The following PDE4D variants were observed in gnomAD, a reference collection of about 807,000 sequenced individuals.
PDE4D encodes 3',5'-cyclic-AMP phosphodiesterase 4D.
In PDE4D, 24 loss-of-function variants were observed where a neutral mutation model predicts 87.4. That is an observed-to-expected ratio of 0.27 (90% CI 0.20 to 0.39). The LOEUF (loss-of-function observed/expected upper bound fraction) is 0.39. PDE4D is among the 10% of genes least tolerant of loss of function. The pLI is 1.00. For synonymous variants in PDE4D, 384 were observed against 383.2 expected, an observed-to-expected ratio of 1.00 and a Z score of -0.02; for missense variants, 714 against 1,041.0, an observed-to-expected ratio of 0.69 and a Z score of 4.32.
At chr5:60,271,804 C>T (rs1750841955) in intron 1 of PDE4D, among the ~76,000 whole-genome samples, 1 of 152,192 alleles carries the variant, frequency 6.6e-6, no homozygotes, top group Non-Finnish European at 1.5e-5. Context: ...AAGATACAAC[C>T]TCTGCTCCAA....
chr5:59,269,594 A>T (rs1763441449), intron 1 of PDE4D, among the ~76,000 whole-genome samples: 1 of 152,042 alleles, frequency 6.6e-6, no homozygotes, highest in Admixed American at 6.6e-5. Context: ...CTTAACAGTC[A>T]TTAGCTTAGT....
intron 2 of PDE4D, among the ~76,000 whole-genome samples, chr5:59,207,524 G>A (rs1749061951): frequency 6.6e-6 from 1 of 151,946 alleles, no homozygotes; most frequent in Admixed American, 6.6e-5. Context: ...CCTTATTTTA[G>A]TTTATTTCAC....
intron 1 of PDE4D, among the ~76,000 whole-genome samples, chr5:59,852,197 C>T (rs148443434): frequency 5.9e-5 from 9 of 152,060 alleles, no homozygotes; most frequent in African/African-American, 2.2e-4. Context: ...TCACTGGTAG[C>T]CAGCCTCCAA....
intron 1 of PDE4D, among the ~76,000 whole-genome samples, chr5:59,470,678 T>G (rs1181136883): frequency 6.6e-6 from 1 of 152,214 alleles, no homozygotes; most frequent in African/African-American, 2.4e-5. Context: ...ACTTTGTTTT[T>G]CAGGAAATAT....
At chr5:59,681,816 T>C (rs1489670292) in intron 1 of PDE4D, among the ~76,000 whole-genome samples, 1 of 143,300 alleles carries the variant, frequency 7.0e-6, no homozygotes, top group African/African-American at 2.6e-5. Context: ...GGCAGGAGAA[T>C]GGCGAACCCG....
chr5:60,265,441 T>C (rs1201125759), intron 1 of PDE4D, among the ~76,000 whole-genome samples: 2 of 152,152 alleles, frequency 1.3e-5, no homozygotes, highest in African/African-American at 4.8e-5. Flanking sequence ...AGGAAAGTCA[T>C]TTGGCTAGGA....
intron 1 of PDE4D, among the ~76,000 whole-genome samples, chr5:59,272,990 G>T (rs1265474326): frequency 6.6e-6 from 1 of 152,178 alleles, no homozygotes; most frequent in African/African-American, 2.4e-5. Flanking sequence ...GAGGACAGTA[G>T]ACAGATTTGG....
chr5:59,854,314 T>C (rs960105380), intron 1 of PDE4D, among the ~76,000 whole-genome samples: 2 of 152,070 alleles, frequency 1.3e-5, no homozygotes, highest in Non-Finnish European at 2.9e-5. Flanking sequence ...TAATGTCTTA[T>C]ATCTATTGAA....
At chr5:59,674,522 T>C (rs1254792741) in intron 1 of PDE4D, among the ~76,000 whole-genome samples, 1 of 152,228 alleles carries the variant, frequency 6.6e-6, no homozygotes, top group African/African-American at 2.4e-5. Context: ...TTCACTTTTC[T>C]ATTGTATGAT....
rs74570978 is a variant in PDE4D at position 59,006,733 on chromosome 5, T to G, written c.922-13268A>C. On this transcript the variant is annotated intron_variant, in intron 6 of 14. Coordinates refer to ENST00000340635, the MANE Select transcript of PDE4D (RefSeq NM_001104631.2). Reference sequence around the variant, plus strand: ...ATACCCAAGCAATTAACAATCTTTTTGAACTATTTCAGTACATTTCAGGAT... The same window carrying G: ...ATACCCAAGCAATTAACAATCTTTTGGAACTATTTCAGTACATTTCAGGAT... 2.6e-3 allele frequency among the ~76,000 whole-genome samples: 389 copies of G among 152,352 alleles called. 6 individuals are homozygous for G. The East Asian group carries it at 0.047, about 19-fold the overall frequency.
chr5:59,420,689 G>GAAAAAAAAAAAAAAAA (rs55960957), intron 1 of PDE4D, among the ~76,000 whole-genome samples: 1 of 122,012 alleles, frequency 8.2e-6, no homozygotes, highest in Non-Finnish European at 1.7e-5. Context: ...TACTGCACAA[G>GAAAAAAAAAAAAAAAA]AAAAAAAAAA....
At chr5:59,302,528 C>G (rs559759511) in intron 1 of PDE4D, among the ~76,000 whole-genome samples, 38 of 149,244 alleles carry the variant, frequency 2.5e-4, no homozygotes, top group African/African-American at 8.6e-4. Context: ...CCCTCACCCC[C>G]CTCCCACTCT....
intron 5 of PDE4D, among the ~76,000 whole-genome samples, chr5:59,178,069 C>A (rs550078213): frequency 6.6e-6 from 1 of 152,308 alleles, no homozygotes; most frequent in South Asian, 2.1e-4. Flanking sequence ...GGCACAAGCA[C>A]TGCCTTTTCT....
chr5:59,470,645 AATGT>A (rs1802299671), intron 1 of PDE4D, among the ~76,000 whole-genome samples: 1 of 152,200 alleles, frequency 6.6e-6, no homozygotes, highest in Non-Finnish European at 1.5e-5. Flanking sequence ...TTATCTGAAT[AATGT>A]AAATTGAGAA....
intron 1 of PDE4D, among the ~76,000 whole-genome samples, chr5:60,228,427 C>T (rs1463470493): frequency 6.6e-6 from 1 of 152,030 alleles, no homozygotes; most frequent in African/African-American, 2.4e-5. Context: ...TAGTATTTCT[C>T]ATAATGAACA....
rs954517036 is a variant in PDE4D, at chr5:60,429,977, T to C, written c.-90+57965A>G. ...ACGTAGGCAACCAAAGTATAGAGCT[T>C]GTTTGGTAAATCTTTATCTTCATTA... On this transcript the variant is annotated intron_variant, in intron 1 of 16. Coordinates refer to the PDE4D transcript ENST00000502484. 4 of 519,548 alleles carry C rather than the reference T, an allele frequency of 7.7e-6. No homozygotes were observed. In the African/African-American group the frequency reaches 7.7e-5, roughly 10 times the overall value. 32.2% of individuals were successfully genotyped at this position (519,548 alleles called of 1,614,324 possible). A position where few individuals can be genotyped will look rare whatever the true frequency, so the allele number is the denominator to read the frequency against.
intron 1 of PDE4D, among the ~76,000 whole-genome samples, chr5:59,559,078 C>T (rs1819482239): frequency 6.6e-6 from 1 of 152,010 alleles, no homozygotes; most frequent in Admixed American, 6.6e-5. Flanking sequence ...CAAATTATGG[C>T]TCTGTGCTCT....
intron 1 of PDE4D, among the ~76,000 whole-genome samples, chr5:59,582,453 T>G (rs1224049851): frequency 6.6e-6 from 1 of 152,178 alleles, no homozygotes; most frequent in Non-Finnish European, 1.5e-5. Context: ...ATCTTTTCAT[T>G]AGAAGGCAGG....
chr5:58,977,308 G>C lies in PDE4D; in HGVS notation c.1590C>G (p.Val530=), dbSNP rs775877013. ...ELALMYNDSS[V]LENHHLAVGF... is the part of the protein sequence containing the mutation. ...CCACAGCCAAATGATGGTTCTCTAA[G>C]ACTGAGGAATCATTGTACATCAAGG... The change falls in exon 12 of 15, where the codon GTC becomes GTG. Residue 530 remains valine (V), a synonymous_variant. Coordinates refer to ENST00000340635, the MANE Select transcript of PDE4D (RefSeq NM_001104631.2). 3.7e-6 allele frequency: 6 copies of C among 1,612,122 alleles called. No individual in the cohort carries two copies. The African/African-American group carries it at 6.7e-5, about 18-fold the overall frequency.
Sources: gnomAD v4.1 joint callset for allele counts (sites outside exome capture counted in the v4.1 genomes callset) on GRCh38, gnomAD v4.1.1 for gene constraint, MANE v1.5 for transcripts, NCBI Gene and HGNC (gene_info 2026-07-23, HGNC 2026-07-21) for gene names.